Variants in FERRY3 observed in about 807,000 individuals in gnomAD.
FERRY3 encodes the protein protein C12orf4.
At chr12:4,510,540 A>G in the FERRY3 span, among the ~76,000 whole-genome samples, 22 of 147,970 alleles carry the variant, frequency 1.5e-4, no homozygotes, top group East Asian at 1.4e-3. Context: ...GACTAACAGC[A>G]GATCTCTCGG....
the FERRY3 span, chr12:4,505,315 C>A: frequency 6.3e-7 from 1 of 1,595,902 alleles, no homozygotes; most frequent in Middle Eastern, 1.7e-4. Context: ...CCAGGTAAAA[C>A]ATTTAAATAG....
chr12:4,520,037 C>G, the FERRY3 span, among the ~76,000 whole-genome samples: 1 of 152,174 alleles, frequency 6.6e-6, no homozygotes, highest in Non-Finnish European at 1.5e-5. Flanking sequence ...CAAGGACAGA[C>G]AGGACACATA....
At chr12:4,525,942 TCAG>T in the FERRY3 span, among the ~76,000 whole-genome samples, 1 of 152,202 alleles carries the variant, frequency 6.6e-6, no homozygotes, top group African/African-American at 2.4e-5. Flanking sequence ...CTCTGCAATT[TCAG>T]CTTAAATGGA....
chr12:4,524,910 G>T, the FERRY3 span: 9 of 173,936 alleles, frequency 5.2e-5, no homozygotes, highest in East Asian at 1.6e-4. Flanking sequence ...ATAGGCAGGG[G>T]TTTTTTTTGT....
the FERRY3 span, among the ~76,000 whole-genome samples, chr12:4,498,532 A>G: frequency 3.3e-5 from 5 of 152,240 alleles, no homozygotes; most frequent in African/African-American, 4.8e-5. Context: ...CTTTCATAGG[A>G]TAGTACCAGG....
chr12:4,529,720 C>G, the FERRY3 span: 1 of 639,170 alleles, frequency 1.6e-6, no homozygotes, highest in African/African-American at 1.9e-5. Context: ...TGTAGTTACA[C>G]ATTTAAACAT....
At chr12:4,530,083 T>A in the FERRY3 span, 8 of 1,568,536 alleles carry the variant, frequency 5.1e-6, no homozygotes, top group Non-Finnish European at 8.6e-7. Context: ...TCTTAAATCA[T>A]GATCTAGTAT....
the FERRY3 span, among the ~76,000 whole-genome samples, chr12:4,523,384 T>C: frequency 6.6e-6 from 1 of 152,232 alleles, no homozygotes; most frequent in African/African-American, 2.4e-5. Flanking sequence ...AGTTCAACCA[T>C]TGTGGAAGAC....
chr12:4,535,140 G>C, the FERRY3 span, among the ~76,000 whole-genome samples: 2 of 152,232 alleles, frequency 1.3e-5, no homozygotes, highest in South Asian at 4.1e-4. The surrounding 1 kb of genome is among the most constrained non-coding windows in gnomAD (Gnocchi z 4.0). Context: ...AGAGCACTGA[G>C]AGAGAAGTTA....
At chr12:4,502,933 T>TATA in the FERRY3 span, among the ~76,000 whole-genome samples, 1 of 152,198 alleles carries the variant, frequency 6.6e-6, no homozygotes. This position sits in a 1 kb window ranked among gnomAD's most constrained non-coding sequence, Gnocchi z 4.2. Flanking sequence ...ATAGTGTAGT[T>TATA]ATAATTTTCT....
At chr12:4,508,075 A>G in the FERRY3 span, among the ~76,000 whole-genome samples, 1 of 152,228 alleles carries the variant, frequency 6.6e-6, no homozygotes, top group African/African-American at 2.4e-5. Context: ...TTGAATAGAT[A>G]AAGAAACTGC....
the FERRY3 span, among the ~76,000 whole-genome samples, chr12:4,508,298 A>T: frequency 1.3e-5 from 2 of 152,342 alleles, no homozygotes; most frequent in Non-Finnish European, 2.9e-5. Flanking sequence ...AAATACTACA[A>T]TGGTTTCTTT....
the FERRY3 span, among the ~76,000 whole-genome samples, chr12:4,501,894 T>G: frequency 6.6e-6 from 1 of 152,218 alleles, no homozygotes; most frequent in Non-Finnish European, 1.5e-5. Context: ...TGGGGACCAC[T>G]AGTCTAGAAG....
At chr12:4,537,211 ACTC>A in the FERRY3 span, among the ~76,000 whole-genome samples, 2 of 152,134 alleles carry the variant, frequency 1.3e-5, no homozygotes, top group African/African-American at 4.8e-5. Context: ...TGCCTAGAGC[ACTC>A]TTACTGATCT....
the FERRY3 span, among the ~76,000 whole-genome samples, chr12:4,533,449 C>G: frequency 6.6e-6 from 1 of 152,138 alleles, no homozygotes; most frequent in Non-Finnish European, 1.5e-5. Flanking sequence ...ACCAACTTAC[C>G]GAAACTGATC....
At chr12:4,533,496 T>C in the FERRY3 span, among the ~76,000 whole-genome samples, 101 of 152,328 alleles carry the variant, frequency 6.6e-4, no homozygotes, top group Admixed American at 6.5e-3. Context: ...ATACAATGGA[T>C]ATTTTTGAGT....
chr12:4,523,758 A>G, the FERRY3 span, among the ~76,000 whole-genome samples: 1 of 152,144 alleles, frequency 6.6e-6, no homozygotes, highest in African/African-American at 2.4e-5. Flanking sequence ...GAATTGAACA[A>G]TGAGAACACT....
chr12:4,518,447 C>A, the FERRY3 span, among the ~76,000 whole-genome samples: 1 of 152,022 alleles, frequency 6.6e-6, no homozygotes, highest in South Asian at 2.1e-4. Context: ...TATAAATATA[C>A]AAAACTTAAA....
chr12:4,530,142 C>T, the FERRY3 span: 1 of 1,165,898 alleles, frequency 8.6e-7, no homozygotes, highest in Non-Finnish European at 1.2e-6. Context: ...CATTTTTGCA[C>T]TTCAATGACA....
Sources: allele counts gnomAD v4.1 joint callset (sites outside exome capture counted in the v4.1 genomes callset), GRCh38; gene constraint gnomAD v4.1.1; non-coding constraint Gnocchi (gnomAD v3.1); transcripts MANE v1.5; gene names NCBI Gene and HGNC (gene_info 2026-07-23, HGNC 2026-07-21).